LRRK1: variants seen among roughly 807,000 people sequenced by gnomAD.
LRRK1 encodes the protein leucine-rich repeat serine/threonine-protein kinase 1.
In LRRK1, 113 loss-of-function variants were observed where a neutral mutation model predicts 209.1. The observed-to-expected ratio is 0.54, with a 90% confidence interval of 0.46 to 0.63. LRRK1 has a LOEUF of 0.63. LRRK1 is among the 30% of genes least tolerant of loss of function. The pLI, the probability that LRRK1 is intolerant of heterozygous loss-of-function variation, is 0.00. For synonymous variants in LRRK1, 1,144 were observed against 1,099.7 expected, an observed-to-expected ratio of 1.04 and a Z score of -0.80; for missense variants, 2,284 against 2,632.2, an observed-to-expected ratio of 0.87 and a Z score of 2.89.
intron 4 of LRRK1, among the ~76,000 whole-genome samples, chr15:100,984,116 G>A (rs1278085296): frequency 1.3e-5 from 2 of 152,154 alleles, no homozygotes; most frequent in African/African-American, 2.4e-5. Flanking sequence ...CAGTAATCAT[G>A]CTAGTAACTT....
At chr15:101,008,336 G>T (rs889045209) in intron 6 of LRRK1, among the ~76,000 whole-genome samples, 2 of 152,120 alleles carry the variant, frequency 1.3e-5, no homozygotes, top group Non-Finnish European at 2.9e-5. Flanking sequence ...TCTGAAAGCA[G>T]CCTGTCCACC....
In LRRK1 at chr15:101,027,576, G is replaced by C; in HGVS notation, c.2527-62G>C. ...AGGCCACAGGGGCCGGGCAGGATCTGCCCAAGCTGGCAGGTGTGCCTTGGG... is the reference window on the plus strand; with the variant it reads ...AGGCCACAGGGGCCGGGCAGGATCTCCCCAAGCTGGCAGGTGTGCCTTGGG... On this transcript the variant is annotated intron_variant, in intron 18 of 33. Transcript: ENST00000388948. This position sits in a 1 kb window ranked among gnomAD's most constrained non-coding sequence, Gnocchi z 5.1. 1 of 1,579,312 alleles carries C rather than the reference G, an allele frequency of 6.3e-7. No homozygotes were observed. The highest frequency in any genetic ancestry group is 2.3e-4 in the Middle Eastern group (1 of 4,430).
intron 29 of LRRK1, 68 bp downstream of exon 29, chr15:101,058,209 C>T: frequency 3.3e-6 from 5 of 1,506,598 alleles, no homozygotes; most frequent in Non-Finnish European, 4.6e-6. Flanking sequence ...AATCTGGGAA[C>T]ACAGTCGATG....
intron 2 of LRRK1, among the ~76,000 whole-genome samples, chr15:100,940,159 T>A (rs769815281): frequency 1.7e-4 from 26 of 152,214 alleles, no homozygotes; most frequent in Non-Finnish European, 3.5e-4. Context: ...TAATATAGTT[T>A]TATCTCTTTG....
chr15:100,995,014 A>G (rs536633768), intron 6 of LRRK1, among the ~76,000 whole-genome samples: 7 of 152,300 alleles, frequency 4.6e-5, no homozygotes, highest in Admixed American at 6.5e-5. Flanking sequence ...GACATGACAC[A>G]TGGTCTGAAA....
chr15:100,990,392 T>C (rs1199694642), intron 6 of LRRK1, among the ~76,000 whole-genome samples: 7 of 152,152 alleles, frequency 4.6e-5, no homozygotes, highest in Admixed American at 3.9e-4. Context: ...TGTTTGCTTA[T>C]GTAGAGCACA....
At chr15:100,962,272 G>A (rs953277095) in intron 2 of LRRK1, among the ~76,000 whole-genome samples, 2 of 152,124 alleles carry the variant, frequency 1.3e-5, no homozygotes, top group African/African-American at 4.8e-5. Context: ...GCTTATGTCT[G>A]TAATCCCAGC....
chr15:101,030,862 A>C (rs2034249431), intron 20 of LRRK1, among the ~76,000 whole-genome samples: 1 of 152,150 alleles, frequency 6.6e-6, no homozygotes, highest in African/African-American at 2.4e-5. Flanking sequence ...CCATCACCCG[A>C]ACAGTATACA....
chr15:100,993,259 T>A (rs2032243324), intron 6 of LRRK1, among the ~76,000 whole-genome samples: 1 of 152,224 alleles, frequency 6.6e-6, no homozygotes. Flanking sequence ...AATTTTAGCT[T>A]GTTGATTACA....
chr15:101,059,136 C>A (rs2036002085), intron 29 of LRRK1, among the ~76,000 whole-genome samples: 1 of 152,154 alleles, frequency 6.6e-6, no homozygotes, highest in South Asian at 2.1e-4. Flanking sequence ...ATGCCTGTAA[C>A]CCCAGCACTT....
chr15:101,013,824 G>T (rs558064252), intron 10 of LRRK1, among the ~76,000 whole-genome samples: 1 of 151,988 alleles, frequency 6.6e-6, no homozygotes, highest in Non-Finnish European at 1.5e-5. Flanking sequence ...GAGGGCATGC[G>T]GCTAGGACAG....
intron 29 of LRRK1, among the ~76,000 whole-genome samples, chr15:101,058,616 A>ATGGGGAGTG (rs1555479925): frequency 7.0e-4 from 3 of 4,256 alleles, no homozygotes; most frequent in Non-Finnish European, 1.9e-3. Flanking sequence ...AGAAGGGGCA[A>ATGGGGAGTG]CGGGGGGGGG....
rs1231041629 is a variant in LRRK1, at chr15:101,066,077, GCTA to G, written c.5642_5644del (p.Leu1881del). 1 of 1,614,028 alleles carries G rather than the reference GCTA, an allele frequency of 6.2e-7. No individual in the cohort carries two copies. The highest frequency in any genetic ancestry group is 8.5e-7 in the Non-Finnish European group (1 of 1,180,052). On this transcript the variant is annotated inframe_deletion, in exon 32 of 34. Coordinates refer to ENST00000388948, the MANE Select transcript of LRRK1 (RefSeq NM_024652.6). ...CCACCGACTGCGAGGACTCAGACAT[GCTA>G]CATACGCCCGGTGCTGCCTCCGACA...
intron 20 of LRRK1, among the ~76,000 whole-genome samples, chr15:101,037,961 A>G (rs2034564054): frequency 6.6e-6 from 1 of 152,262 alleles, no homozygotes; most frequent in Non-Finnish European, 1.5e-5. Context: ...AAAAATATGG[A>G]ACCATCCCAA....
chr15:100,969,785 T>C (rs1211411740), intron 2 of LRRK1, among the ~76,000 whole-genome samples: 1 of 152,236 alleles, frequency 6.6e-6, no homozygotes, highest in African/African-American at 2.4e-5. Flanking sequence ...CTGAGGATAA[T>C]GGCTTCCAAC....
chr15:101,056,532 A>C (rs969442239), intron 27 of LRRK1, among the ~76,000 whole-genome samples: 4 of 152,118 alleles, frequency 2.6e-5, no homozygotes, highest in African/African-American at 9.7e-5. Flanking sequence ...CAGATGGATA[A>C]ATGTGCAGGA....
In LRRK1 at chr15:100,938,351, G is replaced by A. The variant is rs559653538; in HGVS notation, c.97+13622G>A. 5.9e-5 allele frequency among the ~76,000 whole-genome samples: 9 copies of A among 152,008 alleles called. No individual in the cohort carries two copies. The South Asian group carries it at 1.9e-3, about 32-fold the overall frequency. On this transcript the variant is annotated intron_variant, in intron 2 of 33. Transcript: ENST00000388948. ...TCTATGGGATACAGAGTGATACTTG[G>A]ATACATGTATACAATGTGTAATGAT...
Position 101,073,871 on chromosome 15 carries a change from C to CA in LRRK1, c.*5024dup, listed in dbSNP as rs1416263823. ...TCAAAAACTTAAAACCTCTTCAACT[C>CA]ACACCTGACCTAAAACCTAAATGCC... On this transcript the variant is annotated 3_prime_UTR_variant, in exon 34 of 34. Transcript: ENST00000388948. 2 of 152,134 alleles carry CA rather than the reference C, an allele frequency of 1.3e-5. No individual in the cohort carries two copies. The highest frequency in any genetic ancestry group is 4.8e-5 in the African/African-American group (2 of 41,414). 9.4% of individuals were successfully genotyped at this position (152,134 alleles called of 1,614,324 possible).
intron 2 of LRRK1, among the ~76,000 whole-genome samples, chr15:100,935,573 T>C (rs1423018293): frequency 2.0e-5 from 3 of 151,976 alleles, no homozygotes; most frequent in Non-Finnish European, 4.4e-5. Context: ...ATTTAGGGAA[T>C]TAGAAGGCTA....
Sources: gnomAD v4.1 joint callset for allele counts (sites outside exome capture counted in the v4.1 genomes callset) on GRCh38, gnomAD v4.1.1 for gene constraint, Gnocchi (gnomAD v3.1) non-coding constraint, MANE v1.5 for transcripts, NCBI Gene and HGNC (gene_info 2026-07-23, HGNC 2026-07-21) for gene names.